The following GNAI3 variants were observed in gnomAD, a reference collection of about 807,000 sequenced individuals.
GNAI3 encodes G protein subunit alpha i3.
GNAI3 carries 12 observed loss-of-function variants against 41.8 expected under a neutral mutation model. That is an observed-to-expected ratio of 0.29 (90% CI 0.18 to 0.47). The LOEUF is 0.47. Ranked by LOEUF, GNAI3 falls within the 20% of genes least tolerant of loss-of-function variation. The pLI, the probability that GNAI3 is intolerant of heterozygous loss-of-function variation, is 1.00. For missense variants in GNAI3, 360 were observed against 429.6 expected (o/e 0.84, Z 1.43); for synonymous variants, 132 against 146.5 (o/e 0.90, Z 0.71).
At chr1:109,565,063 C>T (rs1421023447) in intron 1 of GNAI3, among the ~76,000 whole-genome samples, 1 of 151,904 alleles carries the variant, frequency 6.6e-6, no homozygotes, top group Non-Finnish European at 1.5e-5. Context: ...GAGTTCAAGA[C>T]CAGCCTGGCC....
chr1:109,551,575 G>A (rs1163505299), intron 1 of GNAI3, among the ~76,000 whole-genome samples: 6 of 152,188 alleles, frequency 3.9e-5, no homozygotes, highest in Admixed American at 3.3e-4. Flanking sequence ...CCTTGGGAAA[G>A]TTAATTTCTC....
chr1:109,567,297 T>A (rs549297360), intron 1 of GNAI3, among the ~76,000 whole-genome samples: 1 of 152,284 alleles, frequency 6.6e-6, no homozygotes, highest in East Asian at 1.9e-4. Flanking sequence ...ATTTTAAGAT[T>A]TCTATATAGA....
intron 3 of GNAI3, 84 bp downstream of exon 3, chr1:109,574,121 G>A: frequency 2.1e-6 from 2 of 936,488 alleles, no homozygotes; most frequent in Non-Finnish European, 3.2e-6. Context: ...CATGTTTTAG[G>A]GAAATGAATT....
intron 5 of GNAI3, among the ~76,000 whole-genome samples, chr1:109,582,819 A>T (rs1461410829): frequency 6.6e-6 from 1 of 152,026 alleles, no homozygotes; most frequent in Non-Finnish European, 1.5e-5. Context: ...TCCCAGTAAA[A>T]TTTTTCCTGT....
intron 1 of GNAI3, among the ~76,000 whole-genome samples, chr1:109,554,278 T>A (rs866687446): frequency 1.3e-5 from 2 of 152,198 alleles, no homozygotes; most frequent in African/African-American, 2.4e-5. Flanking sequence ...ATGGTAGATA[T>A]ACTTTTAGTT....
intron 1 of GNAI3, among the ~76,000 whole-genome samples, chr1:109,558,568 T>A (rs1648217888): frequency 1.3e-5 from 2 of 152,220 alleles, no homozygotes; most frequent in South Asian, 4.1e-4. Flanking sequence ...ATGAATTTTT[T>A]AAAATGCATA....
At position 109,593,679 on chromosome 1, in the gene GNAI3, A is replaced by T. The variant is rs373132580; in HGVS notation, c.*1357A>T. 6.7e-6 allele frequency: 1 copy of T among 150,172 alleles called. No individual in the cohort carries two copies. The highest frequency in any genetic ancestry group is 1.5e-5 in the Non-Finnish European group (1 of 67,156). The allele number at this position is 150,172 out of a possible 1,614,324, so 9.3% of individuals were successfully genotyped here. A position where few individuals can be genotyped will look rare whatever the true frequency, so the allele number is the denominator to read the frequency against. Reference sequence around the variant, plus strand: ...ATAGTATTGTTGAACCTTAGGTTTTATGTTATATCTGCATATGAGTGATAT... The same window carrying T: ...ATAGTATTGTTGAACCTTAGGTTTTTTGTTATATCTGCATATGAGTGATAT... On this transcript the variant is annotated 3_prime_UTR_variant, in exon 9 of 9. Coordinates refer to ENST00000369851, the MANE Select transcript of GNAI3 (RefSeq NM_006496.4).
chr1:109,589,033 A>G (rs895482030), intron 7 of GNAI3, among the ~76,000 whole-genome samples: 2 of 152,200 alleles, frequency 1.3e-5, no homozygotes, highest in Non-Finnish European at 2.9e-5. Context: ...TTGATTTTTA[A>G]TTATTCATAG....
intron 7 of GNAI3, among the ~76,000 whole-genome samples, chr1:109,590,960 G>A (rs1297752759): frequency 6.6e-6 from 1 of 152,110 alleles, no homozygotes; most frequent in Admixed American, 6.5e-5. Context: ...ATAGCCTGTA[G>A]TTTATTGGAA....
intron 1 of GNAI3, among the ~76,000 whole-genome samples, chr1:109,562,602 G>T (rs1221337382): frequency 6.6e-6 from 1 of 152,154 alleles, no homozygotes; most frequent in Non-Finnish European, 1.5e-5. Flanking sequence ...TGGCTGAACA[G>T]CTTTGGTGAG....
intron 1 of GNAI3, 119 bp downstream of exon 1, chr1:109,548,957 G>A (rs1405068174): frequency 1.5e-6 from 1 of 663,778 alleles, no homozygotes; most frequent in Non-Finnish European, 2.7e-6. Context: ...AGGGCGTGCC[G>A]GGCGTGGGGC....
At position 109,586,790 on chromosome 1, in the gene GNAI3, A is replaced by G. The variant is rs1314141047; in HGVS notation, c.782A>G (p.Glu261Gly). ...ATTTGTAATAACAAATGGTTTACAG[A>G]AACTTCAATCATTCTCTTCCTTAAC... ...DSICNNKWFTETSIILFLNKK... is the reference protein window; with the variant it reads ...DSICNNKWFTGTSIILFLNKK... The change falls in exon 7 of 9, where the codon GAA becomes GGA. Residue 261 changes from glutamate to glycine, a missense_variant. Glu to Gly is a moderately conservative substitution (Grantham distance 98, BLOSUM62 -2). Coordinates refer to ENST00000369851, the MANE Select transcript of GNAI3 (RefSeq NM_006496.4). 1 of 1,599,012 alleles carries G rather than the reference A, an allele frequency of 6.3e-7. No individual in the cohort carries two copies. Among genetic ancestry groups the G allele is most frequent in the East Asian group, 2.2e-5 (1 of 44,790 alleles).
chr1:109,548,821 T>C lies in GNAI3; in HGVS notation c.101T>C (p.Val34Ala). The C allele has an allele frequency of 6.2e-7, 1 of 1,606,400 alleles. No individual in the cohort carries two copies. Among genetic ancestry groups the C allele is most frequent in the Non-Finnish European group, 8.5e-7 (1 of 1,174,674 alleles). ...GACGGGGAAAAAGCGGCCAAAGAAG[T>C]GAAGCTGCTGCTACTCGGTGAGGGG... ...REDGEKAAKE[V>A]KLLLLGAGES... Residue 34 changes from valine (V) to alanine (A), a missense_variant, in exon 1 of 9, where the codon GTG becomes GCG. Physicochemically the swap from Val to Ala is moderately conservative, Grantham distance 64. Transcript: ENST00000369851.
intron 1 of GNAI3, among the ~76,000 whole-genome samples, chr1:109,557,336 T>TATATA (rs1277974739): frequency 6.6e-6 from 1 of 152,206 alleles, no homozygotes; most frequent in African/African-American, 2.4e-5. Context: ...GCCTTATATA[T>TATATA]GGTTATTTAT....
chr1:109,553,212 A>G (rs1041383691), intron 1 of GNAI3, among the ~76,000 whole-genome samples: 2 of 152,152 alleles, frequency 1.3e-5, no homozygotes, highest in Non-Finnish European at 2.9e-5. Flanking sequence ...TGGTGAAAGG[A>G]ATTAAATGTT....
chr1:109,565,842 G>T (rs1034128950), intron 1 of GNAI3, among the ~76,000 whole-genome samples: 4 of 152,170 alleles, frequency 2.6e-5, no homozygotes, highest in African/African-American at 7.2e-5. Context: ...GCCAGGTTGA[G>T]CCTGGTCAGG....
In GNAI3 at chr1:109,598,821, AC is replaced by A; in HGVS notation, c.*6501del. The stretch of plus-strand genomic sequence containing the variant: ...TGTTTTCATGCTTTTACCTAGCAGG[AC>A]CACCAGAGGCTCTGTCACACTTGCA... On this transcript the variant is annotated 3_prime_UTR_variant, in exon 9 of 9. Transcript: ENST00000369851. 1.9e-6 allele frequency: 1 copy of A among 515,686 alleles called. No homozygotes were observed. The highest frequency in any genetic ancestry group is 4.1e-6 in the Non-Finnish European group (1 of 244,976). The allele number at this position is 515,686 out of a possible 1,614,324, so 31.9% of individuals were successfully genotyped here. A position where few individuals can be genotyped will look rare whatever the true frequency, so the allele number is the denominator to read the frequency against.
chr1:109,570,856 C>T (rs1222109349), intron 1 of GNAI3, among the ~76,000 whole-genome samples: 1 of 152,176 alleles, frequency 6.6e-6, no homozygotes, highest in Non-Finnish European at 1.5e-5. Context: ...ATCTAATTTA[C>T]ATTTTACAAA....
At chr1:109,550,239 G>T (rs1219343548) in intron 1 of GNAI3, among the ~76,000 whole-genome samples, 1 of 152,130 alleles carries the variant, frequency 6.6e-6, no homozygotes, top group Non-Finnish European at 1.5e-5. Context: ...GAACATATTT[G>T]GTTGGTTGTA....
Sources: allele counts gnomAD v4.1 joint callset (sites outside exome capture counted in the v4.1 genomes callset), GRCh38; gene constraint gnomAD v4.1.1; transcripts MANE v1.5; gene names NCBI Gene and HGNC (gene_info 2026-07-23, HGNC 2026-07-21).